DNAH12: variants seen among roughly 807,000 people sequenced by gnomAD.
DNAH12 encodes axonemal beta dynein heavy chain 12.
Under a neutral mutation model 371.5 loss-of-function variants are expected in DNAH12, and 285 were observed. The observed-to-expected ratio is 0.77, with a 90% CI of 0.70 to 0.85. DNAH12 has a LOEUF of 0.85. DNAH12 is among the 40% of genes least tolerant of loss of function. The pLI is 0.00. For missense variants in DNAH12, 3,611 were observed against 3,689.4 expected (o/e 0.98, Z 0.55); for synonymous variants, 1,200 against 1,213.0 (o/e 0.99, Z 0.22).
intron 37 of DNAH12, among the ~76,000 whole-genome samples, chr3:57,418,294 C>CT (rs1559636701): frequency 7.2e-6 from 1 of 139,498 alleles, no homozygotes; most frequent in Non-Finnish European, 1.5e-5. Flanking sequence ...AATCCTAGCA[C>CT]TTTGAGAGGC....
intron 60 of DNAH12, among the ~76,000 whole-genome samples, chr3:57,351,426 G>C (rs1421285626): frequency 6.6e-6 from 1 of 152,200 alleles, no homozygotes; most frequent in Non-Finnish European, 1.5e-5. Flanking sequence ...CTTCCCAACA[G>C]AAACGTGTGC....
rs1432310589 is a variant in DNAH12 at position 57,334,702 on chromosome 3, A to AGG, written c.9833+79_9833+80insCC. ...GAGTAGAAACCAGACAGCTATTTAA[A>AGG]ACCATTTAAAAATCACTAAATTGAA... On this transcript the variant is annotated intron_variant, in intron 61 of 73. Transcript: ENST00000495027. 1,010 of 1,506,384 alleles carry AGG rather than the reference A, an allele frequency of 6.7e-4. 7 individuals are homozygous for AGG. The African/African-American group carries it at 0.012, about 19-fold the overall frequency. 93.3% of individuals were successfully genotyped at this position (1,506,384 alleles called of 1,614,324 possible).
intron 8 of DNAH12, 52 bp downstream of exon 8, chr3:57,507,591 A>G: frequency 7.9e-7 from 1 of 1,272,494 alleles, no homozygotes; most frequent in Non-Finnish European, 1.0e-6. Context: ...TATTTAAAAT[A>G]TTGAACTAAT....
At chr3:57,356,444 AAAAT>A (rs1174174898) in intron 59 of DNAH12, among the ~76,000 whole-genome samples, 7,784 of 137,802 alleles carry the variant, frequency 0.056, 291 homozygotes, top group African/African-American at 0.087. Flanking sequence ...CCTTGTCTCA[AAAAT>A]AAATAAATAA....
chr3:57,461,221 C>T (rs530321782), intron 19 of DNAH12, among the ~76,000 whole-genome samples: 2 of 152,234 alleles, frequency 1.3e-5, no homozygotes, highest in Admixed American at 1.3e-4. Context: ...ACCTGTTTTC[C>T]TCTCAAGTCT....
chr3:57,367,933 G>A (rs2063086910), intron 56 of DNAH12, 113 bp downstream of exon 56: 1 of 152,186 alleles, frequency 6.6e-6, no homozygotes. Flanking sequence ...CAATGAGCCA[G>A]AAGTTCTGCA....
At position 57,446,170 on chromosome 3, in the gene DNAH12, C is replaced by G; in HGVS notation, c.4040G>C (p.Cys1347Ser). The G allele has an allele frequency of 6.4e-7, 1 of 1,551,670 alleles. No individual in the cohort carries two copies. Among genetic ancestry groups the G allele is most frequent in the Non-Finnish European group, 8.7e-7 (1 of 1,146,996 alleles). Residue 1347 changes from cysteine (C) to serine (S), a missense_variant, in exon 27 of 74, where the codon TGC (cysteine) becomes TCC (serine). Around this residue, in one of 3 missense-constraint regions of DNAH12, gnomAD observed 2,266 missense variants for 2,236.9 expected, o/e 1.01. Transcript: ENST00000495027. ...CTTCTGTTGAATAGCTCTCTGAATG[C>G]AAAGGATCTGTTGAGCTACCACTGA... ...VLSVVAQQIL[C>S]IQRAIQQKLV...
At chr3:57,372,424 A>G (rs879162506) in intron 55 of DNAH12, among the ~76,000 whole-genome samples, 103,602 of 151,714 alleles carry the variant, frequency 0.68, 36,163 homozygotes, top group Non-Finnish European at 0.78. Context: ...CCCAAAATGG[A>G]AAAAAGATGA....
rs887623888 is a variant in DNAH12 at position 57,355,336 on chromosome 3, T to C, written c.9533+1840A>G. 9.2e-5 allele frequency among the ~76,000 whole-genome samples: 14 copies of C among 152,164 alleles called. No homozygotes were observed. In the East Asian group the frequency reaches 2.3e-3, roughly 25 times the overall value. ...TTAATGGTTCATGTACTCAAACATATAATAAAATTAAAGTCAACAAAGATG... is the reference window on the plus strand; with the variant it reads ...TTAATGGTTCATGTACTCAAACATACAATAAAATTAAAGTCAACAAAGATG... On this transcript the variant is annotated intron_variant, in intron 59 of 73. Transcript: ENST00000495027.
rs1009045432 is a variant in DNAH12 at position 57,425,115 on chromosome 3, G to A, written c.5280C>T (p.Asn1760=). Residue 1760 remains asparagine (N), a synonymous_variant, in exon 35 of 74, where the codon AAC becomes AAT. Transcript: ENST00000495027. ...CKELIPTSNS[N]VVVSLTRLFE... Reference sequence around the variant, plus strand: ...AGAGGCGTGTGAGAGATACAACCACGTTGCTGTTGCTTGTAGGAATCAGTT... The same window carrying A: ...AGAGGCGTGTGAGAGATACAACCACATTGCTGTTGCTTGTAGGAATCAGTT... 4 of 702,476 alleles carry A rather than the reference G, an allele frequency of 5.7e-6. No homozygotes were observed. The highest frequency in any genetic ancestry group is 1.7e-5 in the African/African-American group (1 of 57,332). The allele number at this position is 702,476 out of a possible 1,614,324, so 43.5% of individuals were successfully genotyped here. A position where few individuals can be genotyped will look rare whatever the true frequency, so the allele number is the denominator to read the frequency against.
intron 62 of DNAH12, among the ~76,000 whole-genome samples, chr3:57,327,674 T>A (rs1316112094): frequency 6.6e-6 from 1 of 151,156 alleles, no homozygotes; most frequent in East Asian, 2.0e-4. Flanking sequence ...GCAAACACAT[T>A]CAAAAGCTAG....
At chr3:57,316,301 C>A (rs1248005375) in intron 65 of DNAH12, among the ~76,000 whole-genome samples, 1 of 152,128 alleles carries the variant, frequency 6.6e-6, no homozygotes, top group Admixed American at 6.5e-5. Context: ...CTTAGCAAGG[C>A]ATGTAAAGAC....
chr3:57,464,033 T>C lies in DNAH12; in HGVS notation c.2350-1158A>G, dbSNP rs145111906. Among the ~76,000 whole-genome samples, 3 of 152,054 alleles carry C rather than the reference T, an allele frequency of 2.0e-5. No homozygotes were observed. The East Asian group carries it at 5.8e-4, about 29-fold the overall frequency. On this transcript the variant is annotated intron_variant, in intron 17 of 73. Transcript: ENST00000495027. The stretch of plus-strand genomic sequence containing the variant: ...TTGCCCCTCCCTCTATTCTGTCTGG[T>C]ACCAAGAGGGCAGAAAATTTCCCCC...
intron 41 of DNAH12, 122 bp from the exon 42 acceptor site, chr3:57,405,269 A>C (rs975042480): frequency 1.3e-6 from 1 of 786,070 alleles, no homozygotes; most frequent in African/African-American, 1.8e-5. Flanking sequence ...AGGGTAGTAA[A>C]AAATGCACTT....
At chr3:57,456,759 T>G (rs747053871) in intron 22 of DNAH12, among the ~76,000 whole-genome samples, 10 of 152,292 alleles carry the variant, frequency 6.6e-5, no homozygotes, top group African/African-American at 2.4e-4. Flanking sequence ...AATTGAGCTC[T>G]TGATATTCCC....
chr3:57,482,324 C>T (rs1383924155), intron 13 of DNAH12, among the ~76,000 whole-genome samples: 2 of 152,102 alleles, frequency 1.3e-5, no homozygotes, highest in Non-Finnish European at 2.9e-5. Context: ...TGAAAAAATG[C>T]TCATCATCAC....
intron 62 of DNAH12, among the ~76,000 whole-genome samples, chr3:57,328,177 T>C (rs1158467129): frequency 6.1e-5 from 9 of 148,450 alleles, no homozygotes; most frequent in Non-Finnish European, 1.2e-4. Flanking sequence ...TTCCAATCAA[T>C]AGAAAAAGAG....
intron 25 of DNAH12, among the ~76,000 whole-genome samples, chr3:57,452,287 T>C (rs1575621172): frequency 6.6e-6 from 1 of 152,328 alleles, no homozygotes; most frequent in East Asian, 1.9e-4. Flanking sequence ...ACATATTTAC[T>C]TACATTAAAA....
intron 58 of DNAH12, among the ~76,000 whole-genome samples, chr3:57,358,059 C>CT (rs1465192951): frequency 1.3e-5 from 2 of 152,298 alleles, no homozygotes; most frequent in East Asian, 3.9e-4. Context: ...ACTCACTCTT[C>CT]TTTCTTTGGT....
Sources: allele counts gnomAD v4.1 joint callset (sites outside exome capture counted in the v4.1 genomes callset), GRCh38; gene constraint gnomAD v4.1.1; regional missense constraint gnomAD v4.1.1; transcripts MANE v1.5; gene names NCBI Gene and HGNC (gene_info 2026-07-23, HGNC 2026-07-21).